The following PRKG1 variants were observed in gnomAD, a reference collection of about 807,000 sequenced individuals.
PRKG1 encodes protein kinase cGMP-dependent 1.
In PRKG1, 35 loss-of-function variants were observed where a neutral mutation model predicts 88.1. The observed-to-expected ratio is 0.40, with a 90% CI of 0.30 to 0.53. The LOEUF (loss-of-function observed/expected upper bound fraction) is 0.53. Ranked by LOEUF, PRKG1 falls within the 20% of genes least tolerant of loss-of-function variation. The pLI, the probability that PRKG1 is intolerant of heterozygous loss-of-function variation, is 0.59. For synonymous variants in PRKG1, 303 were observed against 292.5 expected (o/e 1.04, Z -0.37); for missense variants, 540 against 839.8 (o/e 0.64, Z 4.41).
At chr10:51,815,516 A>T (rs1256464047) in intron 4 of PRKG1, among the ~76,000 whole-genome samples, 2 of 152,102 alleles carry the variant, frequency 1.3e-5, no homozygotes, top group Admixed American at 6.6e-5. Context: ...CGGAAGTGGG[A>T]ATGAAAAAAT....
At chr10:51,000,380 T>C (rs992880141) in intron 1 of PRKG1, among the ~76,000 whole-genome samples, 6 of 152,186 alleles carry the variant, frequency 3.9e-5, no homozygotes, top group African/African-American at 7.2e-5. Context: ...ATGTTGCACA[T>C]GGGAATGTCA....
intron 6 of PRKG1, among the ~76,000 whole-genome samples, chr10:52,058,602 T>C (rs2133261888): frequency 6.6e-6 from 1 of 152,110 alleles, no homozygotes; most frequent in Admixed American, 6.5e-5. Flanking sequence ...ATGGAACCAT[T>C]GGTAATCCAT....
chr10:51,286,827 A>G (rs950214256), intron 2 of PRKG1, among the ~76,000 whole-genome samples: 7 of 152,198 alleles, frequency 4.6e-5, no homozygotes, highest in African/African-American at 1.4e-4. Context: ...GGTTCAGTTC[A>G]GTAAGATACA....
chr10:52,116,535 C>T (rs1457654436), intron 7 of PRKG1, among the ~76,000 whole-genome samples: 3 of 151,898 alleles, frequency 2.0e-5, no homozygotes, highest in Admixed American at 6.6e-5. Flanking sequence ...GCTTGCACTT[C>T]GAAAGAATGT....
chr10:51,646,627 C>A (rs1238854726), intron 3 of PRKG1, among the ~76,000 whole-genome samples: 2 of 151,992 alleles, frequency 1.3e-5, no homozygotes, highest in African/African-American at 4.8e-5. Flanking sequence ...CTCTGGAGAG[C>A]AAATCTCTTA....
intron 4 of PRKG1, among the ~76,000 whole-genome samples, chr10:51,821,350 C>T (rs971661649): frequency 6.6e-6 from 1 of 151,986 alleles, no homozygotes; most frequent in East Asian, 1.9e-4. Flanking sequence ...CTTCATTTCT[C>T]TTAAGTATAT....
chr10:52,229,010 A>G (rs1840462023), intron 9 of PRKG1, among the ~76,000 whole-genome samples: 1 of 152,216 alleles, frequency 6.6e-6, no homozygotes, highest in African/African-American at 2.4e-5. Context: ...AGCATAGCTA[A>G]TAAACTCACA....
At chr10:51,670,082 T>A (rs1840520026) in intron 3 of PRKG1, among the ~76,000 whole-genome samples, 1 of 152,170 alleles carries the variant, frequency 6.6e-6, no homozygotes. Flanking sequence ...ACTTGCTATA[T>A]CTTATTTGTT....
rs140994360 is a variant in PRKG1 at position 51,060,483 on chromosome 10, A to T, written c.266+68839A>T. Among the ~76,000 whole-genome samples the T allele has an allele frequency of 9.8e-3, 1,487 of 152,176 alleles. 13 individuals carry two copies. The highest frequency in any genetic ancestry group is 0.015 in the Non-Finnish European group (1,023 of 67,966). ...ACAAGTTGTGCTTCTTTAAGTGGTT[A>T]CTCTAGAGAGTACAACATGTAATAC... On this transcript the variant is annotated intron_variant, in intron 1 of 17. Transcript: ENST00000401604.
chr10:51,521,213 A>G (rs376925180), intron 3 of PRKG1, among the ~76,000 whole-genome samples: 6 of 152,246 alleles, frequency 3.9e-5, no homozygotes, highest in African/African-American at 1.4e-4. Context: ...GCTTGAACCC[A>G]GGAGGCGGAG....
intron 7 of PRKG1, among the ~76,000 whole-genome samples, chr10:52,080,497 C>A (rs971304794): frequency 6.6e-6 from 1 of 151,834 alleles, no homozygotes. Flanking sequence ...TCCTATTTTT[C>A]TTCTCAAAAT....
At chr10:52,003,891 T>A (rs940665422) in intron 5 of PRKG1, among the ~76,000 whole-genome samples, 2 of 152,238 alleles carry the variant, frequency 1.3e-5, no homozygotes, top group African/African-American at 4.8e-5. Context: ...CTTCCTGCAC[T>A]GGTAGCTCAG....
intron 4 of PRKG1, among the ~76,000 whole-genome samples, chr10:51,847,432 A>T (rs1840427671): frequency 6.6e-6 from 1 of 152,280 alleles, no homozygotes; most frequent in Middle Eastern, 3.4e-3. Context: ...TTTGAAGTAG[A>T]AAATGAACCT....
intron 2 of PRKG1, among the ~76,000 whole-genome samples, chr10:51,435,246 G>A (rs1419982226): frequency 6.6e-6 from 1 of 151,922 alleles, no homozygotes; most frequent in Non-Finnish European, 1.5e-5. Flanking sequence ...TTATGTGTTT[G>A]CTTGTTTGTT....
At chr10:51,366,153 T>G (rs1842585861) in intron 2 of PRKG1, among the ~76,000 whole-genome samples, 1 of 151,912 alleles carries the variant, frequency 6.6e-6, no homozygotes, top group South Asian at 2.1e-4. Flanking sequence ...ATTTTATTTC[T>G]CTGGTATAAT....
At chr10:51,038,317 G>A (rs934547115) in intron 1 of PRKG1, among the ~76,000 whole-genome samples, 3 of 151,950 alleles carry the variant, frequency 2.0e-5, no homozygotes, top group African/African-American at 7.2e-5. Flanking sequence ...TCCTTTATTT[G>A]TGTTACAAAC....
intron 8 of PRKG1, among the ~76,000 whole-genome samples, chr10:52,141,985 G>T (rs1015042283): frequency 1.2e-4 from 19 of 152,102 alleles, no homozygotes; most frequent in African/African-American, 4.6e-4. Flanking sequence ...CACAGTTGAA[G>T]AATTTGAGTC....
At chr10:51,072,747 A>G (rs536810528), upstream of PRKG1, among the ~76,000 whole-genome samples, 1 of 152,204 alleles carries the variant, frequency 6.6e-6, no homozygotes, top group East Asian at 1.9e-4. Flanking sequence ...ATTTAGGACT[A>G]TATATTTTGT....
chr10:52,281,585 C>T (rs116504293), intron 13 of PRKG1, among the ~76,000 whole-genome samples: 3,191 of 152,024 alleles, frequency 0.021, 111 homozygotes, highest in African/African-American at 0.073. Context: ...TTTCTGCAGT[C>T]GACACTCTTC....
Sources: gnomAD v4.1 joint callset for allele counts (sites outside exome capture counted in the v4.1 genomes callset) on GRCh38, gnomAD v4.1.1 for gene constraint, MANE v1.5 for transcripts, NCBI Gene and HGNC (gene_info 2026-07-23, HGNC 2026-07-21) for gene names.